Variants in ADAMTSL1 observed in about 807,000 individuals in gnomAD.
ADAMTSL1 encodes ADAMTS-like protein 1.
In ADAMTSL1, 126 loss-of-function variants were observed where a neutral mutation model predicts 201.8. The observed-to-expected ratio is 0.62, with a 90% confidence interval of 0.54 to 0.72. The LOEUF (loss-of-function observed/expected upper bound fraction) is 0.72, where lower values mean the gene tolerates loss of function less well. ADAMTSL1 is among the 30% of genes least tolerant of loss of function. The pLI, the probability that ADAMTSL1 is intolerant of heterozygous loss-of-function variation, is 0.00. For synonymous variants in ADAMTSL1, 1,121 were observed against 903.4 expected, an observed-to-expected ratio of 1.24 and a Z score of -4.32; for missense variants, 2,679 against 2,277.8, an observed-to-expected ratio of 1.18 and a Z score of -3.59.
intron 2 of ADAMTSL1, among the ~76,000 whole-genome samples, chr9:18,359,159 C>T (rs1836388158): frequency 1.3e-5 from 2 of 151,680 alleles, no homozygotes; most frequent in Admixed American, 6.6e-5. Flanking sequence ...ACATGCTGGG[C>T]TGAAGTGACT....
chr9:18,031,603 TG>T (rs1293896845), intron 1 of ADAMTSL1, among the ~76,000 whole-genome samples: 1 of 152,206 alleles, frequency 6.6e-6, no homozygotes, highest in African/African-American at 2.4e-5. Context: ...AGCAGTGCTC[TG>T]GGGAAGGGGA....
intron 23 of ADAMTSL1, among the ~76,000 whole-genome samples, chr9:18,842,561 G>T (rs1315142608): frequency 2.0e-5 from 3 of 152,152 alleles, no homozygotes; most frequent in Non-Finnish European, 4.4e-5. Context: ...GGTCCGCTTG[G>T]TGCAGAGCTG....
rs558963839 is a variant in ADAMTSL1, at chr9:18,553,094, A to T, written c.237+19802A>T. The stretch of plus-strand genomic sequence containing the variant: ...TGCTTTCTTCCATCTATTTGCTGTC[A>T]CTATGATTACTGATAAAATTAGACT... On this transcript the variant is annotated intron_variant, in intron 3 of 28. Coordinates refer to ENST00000380548, the MANE Select transcript of ADAMTSL1 (RefSeq NM_001040272.6). Among the ~76,000 whole-genome samples the T allele has an allele frequency of 1.4e-3, 206 of 151,262 alleles. 1 individual carries two copies. The highest frequency in any genetic ancestry group is 2.2e-3 in the Non-Finnish European group (148 of 67,616).
chr9:18,536,115 G>A (rs1480342999), intron 3 of ADAMTSL1, among the ~76,000 whole-genome samples: 1 of 152,082 alleles, frequency 6.6e-6, no homozygotes, highest in Non-Finnish European at 1.5e-5. Flanking sequence ...GATAACAGAA[G>A]CAGCATTGCG....
chr9:18,552,304 A>T (rs911957571), intron 3 of ADAMTSL1, among the ~76,000 whole-genome samples: 1 of 151,822 alleles, frequency 6.6e-6, no homozygotes, highest in Non-Finnish European at 1.5e-5. Context: ...AGTTCTAGGT[A>T]TTTTTAAATT....
At chr9:18,457,252 A>C (rs1440041345) in intron 2 of ADAMTSL1, among the ~76,000 whole-genome samples, 1 of 152,246 alleles carries the variant, frequency 6.6e-6, no homozygotes, top group African/African-American at 2.4e-5. Context: ...AAGGGGAATA[A>C]ATGAGGAATA....
upstream of ADAMTSL1, among the ~76,000 whole-genome samples, chr9:18,470,203 T>C (rs192503836): frequency 2.5e-4 from 38 of 152,120 alleles, no homozygotes; most frequent in Non-Finnish European, 5.3e-4. Context: ...CATCTGCAAA[T>C]TGGGGATAAT....
chr9:18,399,245 G>A (rs947409303), intron 2 of ADAMTSL1, among the ~76,000 whole-genome samples: 1 of 125,478 alleles, frequency 8.0e-6, no homozygotes. Flanking sequence ...GATTGAAGGA[G>A]CTGATAAATT....
At chr9:18,207,359 A>G (rs1405551192) in intron 2 of ADAMTSL1, among the ~76,000 whole-genome samples, 1 of 152,152 alleles carries the variant, frequency 6.6e-6, no homozygotes, top group South Asian at 2.1e-4. Flanking sequence ...ATGGTATCTC[A>G]TTTCATGCTC....
At chr9:18,595,324 G>A (rs1404004176) in intron 4 of ADAMTSL1, among the ~76,000 whole-genome samples, 5 of 152,142 alleles carry the variant, frequency 3.3e-5, no homozygotes, top group Non-Finnish European at 7.4e-5. Context: ...TGTCTTATTG[G>A]ATCAGATGGA....
At chr9:18,363,577 C>T (rs1030794517) in intron 2 of ADAMTSL1, among the ~76,000 whole-genome samples, 3 of 152,082 alleles carry the variant, frequency 2.0e-5, no homozygotes, top group Admixed American at 2.0e-4. Context: ...GTGAAGAATG[C>T]TTATAAACCA....
intron 1 of ADAMTSL1, among the ~76,000 whole-genome samples, chr9:18,106,043 C>T (rs935046155): frequency 1.3e-5 from 2 of 152,160 alleles, no homozygotes; most frequent in Non-Finnish European, 1.5e-5. Flanking sequence ...TAGAGTGACT[C>T]TCATCACCTC....
chr9:18,456,406 C>G (rs535650927), intron 2 of ADAMTSL1, among the ~76,000 whole-genome samples: 1 of 152,130 alleles, frequency 6.6e-6, no homozygotes, highest in Non-Finnish European at 1.5e-5. Context: ...CTCTTGATTG[C>G]TTGGTCCACT....
At chr9:18,374,246 C>T (rs770126300) in intron 2 of ADAMTSL1, among the ~76,000 whole-genome samples, 1 of 152,124 alleles carries the variant, frequency 6.6e-6, no homozygotes, top group Non-Finnish European at 1.5e-5. Context: ...AAGAAAGGTG[C>T]AGTTCTGAAA....
intron 1 of ADAMTSL1, among the ~76,000 whole-genome samples, chr9:18,146,510 G>A (rs2132026445): frequency 6.6e-6 from 1 of 152,256 alleles, no homozygotes; most frequent in East Asian, 1.9e-4. Context: ...GACATTTTGG[G>A]AAAGGCAAAA....
chr9:17,946,287 T>C (rs1368273564), intron 1 of ADAMTSL1, among the ~76,000 whole-genome samples: 1 of 151,978 alleles, frequency 6.6e-6, no homozygotes, highest in Non-Finnish European at 1.5e-5. Context: ...GCTTGAACCA[T>C]CATGCCGAGC....
At chr9:17,920,787 C>A (rs1826270362) in intron 1 of ADAMTSL1, among the ~76,000 whole-genome samples, 4 of 152,198 alleles carry the variant, frequency 2.6e-5, no homozygotes, top group Admixed American at 2.6e-4. Flanking sequence ...TTTGTCCTAA[C>A]TTCTCAACTC....
chr9:18,112,898 T>C (rs1825086951), intron 1 of ADAMTSL1, among the ~76,000 whole-genome samples: 1 of 152,158 alleles, frequency 6.6e-6, no homozygotes, highest in Non-Finnish European at 1.5e-5. Context: ...AGAGGGATAC[T>C]GAGGATTAGA....
At chr9:18,630,723 T>C (rs1173339554) in intron 5 of ADAMTSL1, among the ~76,000 whole-genome samples, 1 of 152,212 alleles carries the variant, frequency 6.6e-6, no homozygotes, top group African/African-American at 2.4e-5. Flanking sequence ...TTTTGATTGT[T>C]TTAGACAGAA....
Sources: gnomAD v4.1 joint callset for allele counts (sites outside exome capture counted in the v4.1 genomes callset) on GRCh38, gnomAD v4.1.1 for gene constraint, MANE v1.5 for transcripts, NCBI Gene and HGNC (gene_info 2026-07-23, HGNC 2026-07-21) for gene names.